NXPE2: variants seen among roughly 807,000 people sequenced by gnomAD.
NXPE2 encodes the protein NXPE family member 2.
A neutral mutation model predicts 34.4 loss-of-function variants in NXPE2; 34 were observed. That is an observed-to-expected ratio of 0.99 (90% CI 0.75 to 1.31). The LOEUF (loss-of-function observed/expected upper bound fraction) is 1.31. Among genes scored for constraint, NXPE2 ranks in the 40% most tolerant of loss-of-function variants. The pLI is 0.00. For synonymous variants in NXPE2, 235 were observed against 231.3 expected, an observed-to-expected ratio of 1.02 and a Z score of -0.15; for missense variants, 649 against 672.5, an observed-to-expected ratio of 0.97 and a Z score of 0.39.
At chr11:114,614,076 C>G in the NXPE2 span, among the ~76,000 whole-genome samples, 1 of 151,524 alleles carries the variant, frequency 6.6e-6, no homozygotes, top group Non-Finnish European at 1.5e-5. Context: ...TCATGCATAA[C>G]CACTGATACC....
At chr11:114,573,948 G>A in the NXPE2 span, among the ~76,000 whole-genome samples, 1 of 151,854 alleles carries the variant, frequency 6.6e-6, no homozygotes, top group Non-Finnish European at 1.5e-5. Flanking sequence ...CCAAGATAGA[G>A]CATATGATAG....
the NXPE2 span, among the ~76,000 whole-genome samples, chr11:114,712,710 G>A: frequency 5.9e-5 from 9 of 152,262 alleles, no homozygotes; most frequent in African/African-American, 1.9e-4. Context: ...AAAACAGTAC[G>A]GAGGTTCCTC....
chr11:114,464,555 A>G, the NXPE2 span, among the ~76,000 whole-genome samples: 2 of 152,218 alleles, frequency 1.3e-5, no homozygotes, highest in South Asian at 2.1e-4. Context: ...AATCAGTTGC[A>G]TTTTAATATA....
At chr11:114,634,876 A>G in the NXPE2 span, among the ~76,000 whole-genome samples, 1 of 151,946 alleles carries the variant, frequency 6.6e-6, no homozygotes, top group African/African-American at 2.4e-5. Context: ...GCCGTGTAGT[A>G]TAGTTTGAAG....
chr11:114,576,995 A>ACG, the NXPE2 span, among the ~76,000 whole-genome samples: 1 of 91,258 alleles, frequency 1.1e-5, no homozygotes, highest in Non-Finnish European at 2.0e-5. Context: ...ATATATACAT[A>ACG]TATATATATA....
At chr11:114,713,503 G>A in the NXPE2 span, among the ~76,000 whole-genome samples, 2 of 152,094 alleles carry the variant, frequency 1.3e-5, no homozygotes, top group South Asian at 2.1e-4. Context: ...CTCAAGCCCC[G>A]AACCTGAGTA....
chr11:114,594,817 G>C, the NXPE2 span: 3 of 963,776 alleles, frequency 3.1e-6, no homozygotes, highest in South Asian at 2.9e-5. Context: ...CAACAAAACA[G>C]AAAAGCAAAC....
the NXPE2 span, chr11:114,584,280 G>A: frequency 8.7e-3 from 4,414 of 504,772 alleles, 26 homozygotes; most frequent in Non-Finnish European, 0.014. Flanking sequence ...CATATTTCAA[G>A]CCCTACATCA....
the NXPE2 span, chr11:114,581,706 C>T: frequency 6.2e-7 from 1 of 1,601,250 alleles, no homozygotes; most frequent in Non-Finnish European, 8.6e-7. Context: ...CACCACCCAC[C>T]AAACACAGGA....
At chr11:114,810,493 A>G in the NXPE2 span, among the ~76,000 whole-genome samples, 27 of 151,310 alleles carry the variant, frequency 1.8e-4, no homozygotes, top group African/African-American at 5.3e-4. Context: ...ACAAATTTAC[A>G]AGAAAAAAAC....
the NXPE2 span, among the ~76,000 whole-genome samples, chr11:114,728,566 G>A: frequency 6.6e-6 from 1 of 152,024 alleles, no homozygotes; most frequent in Admixed American, 6.6e-5. Context: ...TCTTTCTGGA[G>A]ATTTCCTTCC....
chr11:114,634,620 C>A, the NXPE2 span, among the ~76,000 whole-genome samples: 1 of 151,968 alleles, frequency 6.6e-6, no homozygotes, highest in Non-Finnish European at 1.5e-5. Flanking sequence ...GTCTTTAATA[C>A]ATTTTGAATT....
chr11:114,702,453 T>C (rs1456426653), intron 3 of NXPE2, among the ~76,000 whole-genome samples: 1 of 152,206 alleles, frequency 6.6e-6, no homozygotes, highest in African/African-American at 2.4e-5. Flanking sequence ...ATTAAATTTC[T>C]TAAAGACAAA....
chr11:114,481,561 G>T, the NXPE2 span, among the ~76,000 whole-genome samples: 54 of 151,666 alleles, frequency 3.6e-4, no homozygotes, highest in Middle Eastern at 0.01. Flanking sequence ...AATGACACCT[G>T]GTAAGAACAA....
chr11:114,785,827 T>G, the NXPE2 span, among the ~76,000 whole-genome samples: 11 of 152,194 alleles, frequency 7.2e-5, no homozygotes, highest in African/African-American at 2.4e-4. Flanking sequence ...AATATAAATA[T>G]CACACTCTAG....
At chr11:114,679,859 A>G in intron 2 of NXPE2, 97 bp downstream of exon 2, 1 of 706,784 alleles carries the variant, frequency 1.4e-6, no homozygotes, top group African/African-American at 1.8e-5. Flanking sequence ...TTAAAAGCAT[A>G]TCATCTTAGC....
At chr11:114,635,078 G>A in the NXPE2 span, among the ~76,000 whole-genome samples, 1 of 151,754 alleles carries the variant, frequency 6.6e-6, no homozygotes, top group Non-Finnish European at 1.5e-5. Flanking sequence ...TCACGATATT[G>A]ATTCTTCCTA....
chr11:114,616,314 C>G, the NXPE2 span, among the ~76,000 whole-genome samples: 1 of 148,036 alleles, frequency 6.8e-6, no homozygotes, highest in Admixed American at 6.7e-5. Flanking sequence ...TAAGTGTTGT[C>G]TCACGTGTAA....
chr11:114,678,512 T>G, upstream of NXPE2: 2 of 1,319,668 alleles, frequency 1.5e-6, no homozygotes, highest in Non-Finnish European at 2.1e-6. Context: ...CTAAGATAAA[T>G]GCAAAGACTG....
Sources: allele counts gnomAD v4.1 joint callset (sites outside exome capture counted in the v4.1 genomes callset), GRCh38; gene constraint gnomAD v4.1.1; transcripts MANE v1.5; gene names NCBI Gene and HGNC (gene_info 2026-07-23, HGNC 2026-07-21).